STX8: variants seen among roughly 807,000 people sequenced by gnomAD.
The protein encoded by STX8 is syntaxin 8.
STX8 carries 23 observed loss-of-function variants against 37.5 expected under a neutral mutation model. The observed-to-expected ratio is 0.61, with a 90% CI of 0.44 to 0.87. The LOEUF is 0.87. STX8 is among the 40% of genes least tolerant of loss of function. The pLI is 0.00. For synonymous variants in STX8, 115 were observed against 99.1 expected, an observed-to-expected ratio of 1.16 and a Z score of -0.95; for missense variants, 313 against 284.7, an observed-to-expected ratio of 1.10 and a Z score of -0.71.
chr17:9,564,977 G>A (rs538012691), intron 2 of STX8, among the ~76,000 whole-genome samples: 1 of 152,342 alleles, frequency 6.6e-6, no homozygotes, highest in Admixed American at 6.5e-5. Context: ...GGAAGCCAAG[G>A]CGGGAGGATC....
rs2142264760 is a variant in STX8, at chr17:9,365,125, A to G, written c.643+13427T>C. Among the ~76,000 whole-genome samples the G allele has an allele frequency of 1.3e-5, 2 of 152,256 alleles. 1 individual carries two copies. Among genetic ancestry groups the G allele is most frequent in the Middle Eastern group, 6.8e-3 (2 of 294 alleles). ...ATAGATATGAGAAAGAGAGATCCCA[A>G]AGTAGTATATTGTGACATGTTTTAT... On this transcript the variant is annotated intron_variant, in intron 7 of 7. Coordinates refer to ENST00000306357, the MANE Select transcript of STX8 (RefSeq NM_004853.3).
intron 6 of STX8, among the ~76,000 whole-genome samples, chr17:9,418,926 T>C (rs1346438554): frequency 7.5e-5 from 10 of 133,914 alleles, no homozygotes; most frequent in African/African-American, 1.5e-4. Flanking sequence ...TTTTTTCTTT[T>C]TTTTTTTTTT....
At chr17:9,449,426 G>T (rs1009312244) in intron 6 of STX8, among the ~76,000 whole-genome samples, 2 of 152,204 alleles carry the variant, frequency 1.3e-5, no homozygotes, top group African/African-American at 4.8e-5. Context: ...CGGACATGGC[G>T]GCGGGCGCCT....
chr17:9,391,486 GCT>G, intron 6 of STX8, among the ~76,000 whole-genome samples: 1 of 151,848 alleles, frequency 6.6e-6, no homozygotes, highest in Non-Finnish European at 1.5e-5. Flanking sequence ...ATAATAATTC[GCT>G]CTGGGGGGAA....
rs193016354 is a variant in STX8 at position 9,572,467 on chromosome 17, T to A, written c.17+3325A>T. ...CTCTGTCGCCCAGGCTGAAGTGCAGTGGCGCAATCTCGGCTCACTGCAACC... is the reference window on the plus strand; with the variant it reads ...CTCTGTCGCCCAGGCTGAAGTGCAGAGGCGCAATCTCGGCTCACTGCAACC... On this transcript the variant is annotated intron_variant, in intron 1 of 7. Transcript: ENST00000306357. Among the ~76,000 whole-genome samples, 294 of 152,314 alleles carry A rather than the reference T, an allele frequency of 1.9e-3. 1 individual carries two copies. The highest frequency in any genetic ancestry group is 7.2e-3 in the Admixed American group (110 of 15,298).
intron 4 of STX8, among the ~76,000 whole-genome samples, chr17:9,539,398 C>G (rs1906186480): frequency 6.6e-6 from 1 of 152,190 alleles, no homozygotes; most frequent in Non-Finnish European, 1.5e-5. Context: ...CACCAGGTTC[C>G]AAGCGAGTCC....
chr17:9,535,721 C>CGT (rs1344888498), intron 4 of STX8, among the ~76,000 whole-genome samples: 2 of 151,944 alleles, frequency 1.3e-5, no homozygotes, highest in Non-Finnish European at 2.9e-5. Flanking sequence ...CGTGAGCCAT[C>CGT]GTGCCCATCC....
rs772285943 is a variant in STX8, at chr17:9,250,645, C to T, written c.644G>A (p.Gly215Glu). ...CAGCAGTAAAATCACCATGATCATC[C>T]CTGGAAAAAAGCAGCAGAAAATACT... ...NMVDRKSASC[G>E]MIMVILLLLV... The change falls in exon 8 of 8, where the codon GGG becomes GAG. Residue 215 changes from glycine (G) to glutamate (E), a missense_variant and splice_region_variant. Coordinates refer to ENST00000306357, the MANE Select transcript of STX8 (RefSeq NM_004853.3). 2 of 1,594,716 alleles carry T rather than the reference C, an allele frequency of 1.3e-6. No individual in the cohort carries two copies. The highest frequency in any genetic ancestry group is 1.7e-6 in the Non-Finnish European group (2 of 1,170,508).
chr17:9,558,341 T>C (rs1038425682), intron 2 of STX8, among the ~76,000 whole-genome samples: 1 of 152,160 alleles, frequency 6.6e-6, no homozygotes, highest in South Asian at 2.1e-4. Context: ...GACTCCCTCC[T>C]TGGATTTGCA....
intron 7 of STX8, among the ~76,000 whole-genome samples, chr17:9,325,122 A>G (rs762077942): frequency 3.9e-5 from 6 of 152,170 alleles, no homozygotes; most frequent in Non-Finnish European, 8.8e-5. Context: ...GGGCTAATGT[A>G]AGTGTTCTGA....
chr17:9,375,772 C>T (rs533986709), intron 7 of STX8, among the ~76,000 whole-genome samples: 99 of 152,274 alleles, frequency 6.5e-4, no homozygotes, highest in African/African-American at 2.0e-3. Context: ...ATTACATACA[C>T]GCAATCATTT....
At chr17:9,444,818 CA>C (rs1904782415) in intron 6 of STX8, among the ~76,000 whole-genome samples, 1 of 152,164 alleles carries the variant, frequency 6.6e-6, no homozygotes, top group Non-Finnish European at 1.5e-5. Context: ...CAAAGGGAGA[CA>C]GGCTTTTTGT....
intron 7 of STX8, among the ~76,000 whole-genome samples, chr17:9,326,855 G>A (rs1395571841): frequency 6.6e-6 from 1 of 152,156 alleles, no homozygotes; most frequent in African/African-American, 2.4e-5. Flanking sequence ...TGACACAGGA[G>A]CCTTCAAAAA....
intron 7 of STX8, among the ~76,000 whole-genome samples, chr17:9,360,533 C>T (rs558335422): frequency 1.4e-4 from 21 of 151,874 alleles, no homozygotes; most frequent in African/African-American, 4.8e-4. Context: ...ACCATCTCTA[C>T]TATATTTACT....
At chr17:9,546,601 T>TG (rs1906534989) in intron 3 of STX8, among the ~76,000 whole-genome samples, 1 of 128,266 alleles carries the variant, frequency 7.8e-6, no homozygotes, top group Admixed American at 7.8e-5. Flanking sequence ...GTTTTTTTTT[T>TG]TTTTTTTTTT....
At chr17:9,387,369 C>T (rs1912048905) in intron 6 of STX8, among the ~76,000 whole-genome samples, 1 of 152,120 alleles carries the variant, frequency 6.6e-6, no homozygotes, top group African/African-American at 2.4e-5. Flanking sequence ...GATCTCGGCT[C>T]ACTGCAAGCT....
intron 6 of STX8, among the ~76,000 whole-genome samples, chr17:9,465,737 G>A (rs949606434): frequency 2.0e-5 from 3 of 152,140 alleles, no homozygotes; most frequent in African/African-American, 7.2e-5. Flanking sequence ...TGCCTTTAGG[G>A]AGGACTTCCG....
intron 7 of STX8, among the ~76,000 whole-genome samples, chr17:9,289,155 C>G (rs987441363): frequency 6.6e-6 from 1 of 152,256 alleles, no homozygotes; most frequent in Admixed American, 6.5e-5. Flanking sequence ...CAAATTGTTT[C>G]CGGCCTAAAA....
intron 6 of STX8, among the ~76,000 whole-genome samples, chr17:9,430,150 T>TATAA (rs1171503574): frequency 1.0e-4 from 8 of 77,950 alleles, no homozygotes; most frequent in Non-Finnish European, 2.2e-4. Context: ...ATAATTTATA[T>TATAA]ATAAAATATA....
Sources: allele counts gnomAD v4.1 joint callset (sites outside exome capture counted in the v4.1 genomes callset), GRCh38; gene constraint gnomAD v4.1.1; transcripts MANE v1.5; gene names NCBI Gene and HGNC (gene_info 2026-07-23, HGNC 2026-07-21).